BMP8A: variants seen among roughly 807,000 people sequenced by gnomAD.
BMP8A encodes BMP-8A.
BMP8A carries 14 observed loss-of-function variants against 36.8 expected under a neutral mutation model. The ratio of observed to expected loss-of-function variants is 0.38; its 90% CI spans 0.25 to 0.60. The LOEUF (loss-of-function observed/expected upper bound fraction) is 0.60. BMP8A is among the 20% of genes least tolerant of loss of function. BMP8A has a pLI of 0.63. For missense variants in BMP8A, 267 were observed against 551.1 expected (o/e 0.48, Z 5.16); for synonymous variants, 120 against 237.7 (o/e 0.50, Z 4.55).
At chr1:39,513,852 G>A (rs1183306573) in intron 3 of BMP8A, among the ~76,000 whole-genome samples, 1 of 150,188 alleles carries the variant, frequency 6.7e-6, no homozygotes, top group East Asian at 2.0e-4. Flanking sequence ...AGAGCCCTGG[G>A]ACCTCCAACA....
chr1:39,506,641 G>A lies in BMP8A; in HGVS notation c.335-4533G>A, dbSNP rs114165426. 3.7e-3 allele frequency among the ~76,000 whole-genome samples: 561 copies of A among 152,322 alleles called. 5 individuals are homozygous for A. Among genetic ancestry groups the A allele is most frequent in the African/African-American group, 0.013 (545 of 41,570 alleles). ...CTCTTTAGATCTAAATAATCCTAAA[G>A]TATTTCAAAATCAAGTTAAAAACAT... On this transcript the variant is annotated intron_variant, in intron 1 of 6. Transcript: ENST00000331593.
In BMP8A at chr1:39,525,858, C is replaced by T; in HGVS notation, c.*60C>T. 6.2e-7 allele frequency: 1 copy of T among 1,605,250 alleles called. No homozygotes were observed. Among genetic ancestry groups the T allele is most frequent in the Admixed American group, 1.7e-5 (1 of 59,918 alleles). On this transcript the variant is annotated 3_prime_UTR_variant, in exon 7 of 7. Coordinates refer to ENST00000331593, the MANE Select transcript of BMP8A (RefSeq NM_181809.4). ...TCATCTGGATCGGGCCCTGCAGAGG[C>T]AGAAAACCCTTAAATGCTGTCACAG...
At chr1:39,492,642 C>T (rs1391671695) in intron 1 of BMP8A, among the ~76,000 whole-genome samples, 1 of 152,188 alleles carries the variant, frequency 6.6e-6, no homozygotes, top group Non-Finnish European at 1.5e-5. Context: ...ACAGCCTGGT[C>T]CTGGGGAGAC....
chr1:39,502,759 T>C (rs903328266), intron 1 of BMP8A, among the ~76,000 whole-genome samples: 5 of 152,290 alleles, frequency 3.3e-5, no homozygotes, highest in African/African-American at 9.6e-5. Flanking sequence ...AAATAAATAA[T>C]TAGGCTGGGC....
intron 3 of BMP8A, chr1:39,515,792 A>G (rs1645390277): frequency 1.9e-6 from 3 of 1,591,140 alleles, no homozygotes; most frequent in Admixed American, 1.7e-5. Flanking sequence ...AACGATCCGG[A>G]AAGAGGAAGA....
intron 1 of BMP8A, among the ~76,000 whole-genome samples, chr1:39,510,256 A>T (rs1257710786): frequency 1.9e-5 from 2 of 106,826 alleles, no homozygotes; most frequent in Non-Finnish European, 3.9e-5. Context: ...TGTGCATGCG[A>T]GGTCCCCTCT....
At chr1:39,493,089 G>A (rs1007652991) in intron 1 of BMP8A, among the ~76,000 whole-genome samples, 3 of 152,164 alleles carry the variant, frequency 2.0e-5, no homozygotes, top group South Asian at 2.1e-4. Flanking sequence ...TAAACTCTTT[G>A]GTCTATGCTC....
In BMP8A at chr1:39,528,142, G is replaced by T. The variant is rs1018698911; in HGVS notation, c.*2344G>T. On this transcript the variant is annotated 3_prime_UTR_variant, in exon 7 of 7. Coordinates refer to ENST00000331593, the MANE Select transcript of BMP8A (RefSeq NM_181809.4). ...ACGCAAACGCTGCTATGCCCATCAG[G>T]TGTGCACAGCAGGCCTGAGGATCAT... Among the ~76,000 whole-genome samples the T allele has an allele frequency of 2.0e-5, 3 of 152,320 alleles. No homozygotes were observed. In the South Asian group the frequency reaches 6.2e-4, roughly 32 times the overall value.
Position 39,523,069 on chromosome 1 carries a change from G to C in BMP8A, c.1011G>C (p.Pro337=). The C allele has an allele frequency of 6.2e-7, 1 of 1,613,586 alleles. No homozygotes were observed. The highest frequency in any genetic ancestry group is 8.5e-7 in the Non-Finnish European group (1 of 1,179,898). The change falls in exon 6 of 7, where the codon CCG becomes CCC. Residue 337 remains proline, a synonymous_variant. Transcript: ENST00000331593. The part of the protein sequence containing the change: ...AYYCEGECSF[P]LDSCMNATNH... ...ACTGTGAGGGGGAGTGCTCCTTCCC[G>C]CTGGACTCCTGCATGAACGCCACCA...
intron 1 of BMP8A, among the ~76,000 whole-genome samples, chr1:39,509,879 AGGGACG>A (rs1394543431): frequency 1.3e-5 from 2 of 152,270 alleles, no homozygotes; most frequent in Non-Finnish European, 2.9e-5. Flanking sequence ...AGAGTTTGAA[AGGGACG>A]GGAGGCTAAA....
In BMP8A at chr1:39,528,984, A is replaced by C. The variant is rs980059373; in HGVS notation, c.*3186A>C. ...GCAATCCTCCTGCCTCAGCCTCCCA[A>C]AGTGCTAGGATTACAGGCGTGAGCC... On this transcript the variant is annotated 3_prime_UTR_variant, in exon 7 of 7. Transcript: ENST00000331593. 1.3e-5 allele frequency: 2 copies of C among 152,232 alleles called. No homozygotes were observed. The highest frequency in any genetic ancestry group is 2.9e-5 in the Non-Finnish European group (2 of 68,130). The allele number at this position is 152,232 out of a possible 1,614,324, so 9.4% of individuals were successfully genotyped here.
At position 39,528,820 on chromosome 1, in the gene BMP8A, C is replaced by A. The variant is rs958901670; in HGVS notation, c.*3022C>A. 5.3e-5 allele frequency among the ~76,000 whole-genome samples: 8 copies of A among 151,902 alleles called. No individual in the cohort carries two copies. Among genetic ancestry groups the A allele is most frequent in the African/African-American group, 1.7e-4 (7 of 41,336 alleles). On this transcript the variant is annotated 3_prime_UTR_variant, in exon 7 of 7. Transcript: ENST00000331593. ...CTGGGCTCAAGCAATCCTCCCACTTCAGCCCGAGTTGCTGGGATGACAGGC... is the reference window on the plus strand; with the variant it reads ...CTGGGCTCAAGCAATCCTCCCACTTAAGCCCGAGTTGCTGGGATGACAGGC...
At chr1:39,514,759 G>C (rs1446876802) in intron 3 of BMP8A, among the ~76,000 whole-genome samples, 2 of 152,090 alleles carry the variant, frequency 1.3e-5, no homozygotes, top group Admixed American at 6.5e-5. Flanking sequence ...GGACTGACTC[G>C]GGGCCCCCAG....
At chr1:39,505,608 A>G (rs1645294355) in intron 1 of BMP8A, among the ~76,000 whole-genome samples, 1 of 152,214 alleles carries the variant, frequency 6.6e-6, no homozygotes, top group African/African-American at 2.4e-5. Context: ...TTCAAAATCC[A>G]TAACTTCATT....
intron 3 of BMP8A, among the ~76,000 whole-genome samples, chr1:39,514,563 G>C (rs1243904570): frequency 6.6e-6 from 1 of 151,306 alleles, no homozygotes; most frequent in African/African-American, 2.4e-5. Flanking sequence ...GTGTCACCCA[G>C]CGGCGCCTGC....
intron 3 of BMP8A, chr1:39,515,119 A>G: frequency 6.4e-6 from 10 of 1,574,708 alleles, no homozygotes; most frequent in Non-Finnish European, 8.6e-6. Flanking sequence ...GACATCTCTG[A>G]CGGGGCGACC....
intron 1 of BMP8A, 89 bp downstream of exon 1, chr1:39,492,414 G>C: frequency 7.2e-7 from 1 of 1,383,912 alleles, no homozygotes; most frequent in Non-Finnish European, 9.3e-7. Flanking sequence ...GGCCCTGGCC[G>C]AACGGGGAAT....
At chr1:39,495,063 G>A (rs1645193661) in intron 1 of BMP8A, among the ~76,000 whole-genome samples, 1 of 152,218 alleles carries the variant, frequency 6.6e-6, no homozygotes. Flanking sequence ...GATGCTCTCA[G>A]TGTTTGGAGG....
At position 39,491,963 on chromosome 1, in the gene BMP8A, G is replaced by C. The variant is rs1570264204; in HGVS notation, c.-29G>C. ...GCCCAGGGGCGGCGGCGGAGCTGAT[G>C]TGCGCCCGCTGAGCGCCCCCGGCCC... On this transcript the variant is annotated 5_prime_UTR_variant, in exon 1 of 7. It removes an upstream start codon present in the reference 5' UTR. Transcript: ENST00000331593. 3 of 1,071,272 alleles carry C rather than the reference G, an allele frequency of 2.8e-6. No homozygotes were observed. The East Asian group carries it at 2.0e-4, about 70-fold the overall frequency. 66.4% of individuals were successfully genotyped at this position (1,071,272 alleles called of 1,614,324 possible).
Sources: allele counts gnomAD v4.1 joint callset (sites outside exome capture counted in the v4.1 genomes callset), GRCh38; gene constraint gnomAD v4.1.1; transcripts MANE v1.5; gene names NCBI Gene and HGNC (gene_info 2026-07-23, HGNC 2026-07-21).